The following CANX variants were observed in gnomAD, a reference collection of about 807,000 sequenced individuals.
CANX encodes the protein epididymis secretory sperm binding protein.
Under a neutral mutation model 75.7 loss-of-function variants are expected in CANX, and 14 were observed. That is an observed-to-expected ratio of 0.19 (90% CI 0.12 to 0.29). The LOEUF (loss-of-function observed/expected upper bound fraction) is 0.29. Among genes scored for constraint, CANX ranks in the 10% least tolerant of loss-of-function variants. The pLI is 1.00. For synonymous variants in CANX, 227 were observed against 236.9 expected, an observed-to-expected ratio of 0.96 and a Z score of 0.38; for missense variants, 567 against 713.2, an observed-to-expected ratio of 0.79 and a Z score of 2.34.
intron 1 of CANX, among the ~76,000 whole-genome samples, chr5:179,703,775 T>C (rs1339252149): frequency 6.6e-6 from 1 of 152,108 alleles, no homozygotes; most frequent in Non-Finnish European, 1.5e-5. Context: ...GAGAGGGTGC[T>C]GATTACTAGC....
At chr5:179,695,630 ATTTT>A (rs1271544721), upstream of CANX, among the ~76,000 whole-genome samples, 2 of 149,968 alleles carry the variant, frequency 1.3e-5, no homozygotes, top group African/African-American at 4.9e-5. Context: ...TGCCTGGCCT[ATTTT>A]TATTTATTTA....
intron 1 of CANX, 79 bp downstream of exon 1, chr5:179,699,181 C>A (rs1776555681): frequency 1.2e-6 from 1 of 859,536 alleles, no homozygotes; most frequent in African/African-American, 1.8e-5. Context: ...GCTGAGGGGT[C>A]GGGCGTGGCC....
In CANX at chr5:179,723,780, G is replaced by GTAGGAAGT. The variant is rs753982930; in HGVS notation, c.1518+3_1518+10dup. 3 of 1,592,454 alleles carry GTAGGAAGT rather than the reference G, an allele frequency of 1.9e-6. No homozygotes were observed. The African/African-American group carries it at 4.1e-5, about 22-fold the overall frequency. On this transcript the variant is annotated splice_donor_variant, in intron 12 of 14. Transcript: ENST00000247461. LOFTEE classifies it high-confidence loss of function. ...TATCCTCTTCTGCTGTTCTGGAAAGGTAGGAAGTTTTTTTTTTTAGAATCA... is the reference window on the plus strand; with the variant it reads ...TATCCTCTTCTGCTGTTCTGGAAAGGTAGGAAGTTAGGAAGTTTTTTTTTTTAGAATCA...
rs375900004 is a variant in CANX, at chr5:179,729,033, G to C, written c.*389G>C. ...ATAATACCACCATTTAAAAATGTTA[G>C]GGAGATGAGTTGCAGTTTTTATAAT... On this transcript the variant is annotated 3_prime_UTR_variant, in exon 15 of 15. Transcript: ENST00000247461. 1 of 237,738 alleles carries C rather than the reference G, an allele frequency of 4.2e-6. No homozygotes were observed. The highest frequency in any genetic ancestry group is 1.3e-4 in the East Asian group (1 of 7,430). 14.7% of individuals were successfully genotyped at this position (237,738 alleles called of 1,614,324 possible).
chr5:179,699,124 C>A, intron 1 of CANX, 22 bp downstream of exon 1: 2 of 1,026,130 alleles, frequency 1.9e-6, no homozygotes, highest in Non-Finnish European at 1.2e-6. Flanking sequence ...GACCTGAGCG[C>A]GTCCTCGGGC....
intron 13 of CANX, among the ~76,000 whole-genome samples, chr5:179,725,447 C>G (rs1024872507): frequency 6.6e-6 from 1 of 151,504 alleles, no homozygotes; most frequent in African/African-American, 2.4e-5. Context: ...TTTGGGGGGC[C>G]GAAGCAGGCA....
At chr5:179,689,278 G>A (rs1185802740) in intron 1 of CANX, among the ~76,000 whole-genome samples, 3 of 147,982 alleles carry the variant, frequency 2.0e-5, no homozygotes, top group African/African-American at 2.5e-5. Context: ...AAAAACCAAC[G>A]AAAACATACG....
chr5:179,681,270 G>A (rs1208787822), intron 1 of CANX, among the ~76,000 whole-genome samples: 2 of 152,176 alleles, frequency 1.3e-5, no homozygotes, highest in African/African-American at 4.8e-5. Context: ...GGGGAATGAA[G>A]GGAGTGATCA....
At position 179,716,221 on chromosome 5, in the gene CANX, G is replaced by A. The variant is rs1279368061; in HGVS notation, c.838G>A (p.Glu280Lys). ...VNPSREIEDPEDRKPEDWDER... is the reference protein window; with the variant it reads ...VNPSREIEDPKDRKPEDWDER... ...TCCTTCACGTGAAATTGAGGACCCAGAAGACCGGAAGCCCGAGGATTGGGA... is the reference window on the plus strand; with the variant it reads ...TCCTTCACGTGAAATTGAGGACCCAAAAGACCGGAAGCCCGAGGATTGGGA... Residue 280 changes from glutamate to lysine, a missense_variant, in exon 8 of 15, where the codon GAA becomes AAA. Glu to Lys is a moderately conservative substitution (Grantham distance 56). Coordinates refer to ENST00000247461, the MANE Select transcript of CANX (RefSeq NM_001746.4). 2 of 1,614,168 alleles carry A rather than the reference G, an allele frequency of 1.2e-6. No individual in the cohort carries two copies. The highest frequency in any genetic ancestry group is 1.7e-5 in the Admixed American group (1 of 60,030).
At chr5:179,728,002 T>C (rs1206354230) in intron 14 of CANX, among the ~76,000 whole-genome samples, 1 of 152,248 alleles carries the variant, frequency 6.6e-6, no homozygotes, top group Non-Finnish European at 1.5e-5. Context: ...TAAAGATCAT[T>C]GCTATCTGTA....
At chr5:179,682,803 G>A (rs1192453654) in intron 1 of CANX, among the ~76,000 whole-genome samples, 1 of 152,006 alleles carries the variant, frequency 6.6e-6, no homozygotes, top group Non-Finnish European at 1.5e-5. Context: ...AGGGTGAGGA[G>A]TAGGAAGTAA....
intron 12 of CANX, among the ~76,000 whole-genome samples, chr5:179,724,083 G>A (rs1778485964): frequency 6.6e-6 from 1 of 151,974 alleles, no homozygotes; most frequent in South Asian, 2.1e-4. Context: ...CTAGCCACTT[G>A]GGCAATAATC....
chr5:179,678,708 T>A, exon 1 of CANX: 2 of 1,536,896 alleles, frequency 1.3e-6, no homozygotes, highest in Non-Finnish European at 1.7e-6. Context: ...TTGCGCTGCT[T>A]CTCCAGCAAG....
chr5:179,699,119 G>C lies in CANX; in HGVS notation c.-4+17G>C. The C allele has an allele frequency of 5.8e-6, 6 of 1,034,998 alleles. No individual in the cohort carries two copies. Among genetic ancestry groups the C allele is most frequent in the Non-Finnish European group, 7.0e-6 (6 of 856,360 alleles). The allele number at this position is 1,034,998 out of a possible 1,614,324, so 64.1% of individuals were successfully genotyped here. On this transcript the variant is annotated intron_variant, in intron 1 of 14. Transcript: ENST00000247461. ...AGGCTAGAGGTGAGAGGGGAGACCT[G>C]AGCGCGTCCTCGGGCCTGTGAGGAC...
intron 1 of CANX, among the ~76,000 whole-genome samples, chr5:179,704,765 G>A (rs549554264): frequency 2.2e-4 from 34 of 152,266 alleles, no homozygotes; most frequent in African/African-American, 7.7e-4. Context: ...GAACCTGGGA[G>A]GCGGCGGTTG....
rs1251673290 is a variant in CANX, at chr5:179,679,666, C to CT, written c.-4+898dup. ...AAGAGCCGAGCAGGGCTTTCTTTTTCTTTTTTTTTGAGACTGAGTCTCGCT... is the reference window on the plus strand; with the variant it reads ...AAGAGCCGAGCAGGGCTTTCTTTTTCTTTTTTTTTTGAGACTGAGTCTCGCT... On this transcript the variant is annotated intron_variant, in intron 1 of 14. Coordinates refer to the CANX transcript ENST00000681674. 4.4e-3 allele frequency among the ~76,000 whole-genome samples: 667 copies of CT among 151,134 alleles called. 5 individuals are homozygous for CT. Among genetic ancestry groups the CT allele is most frequent in the African/African-American group, 0.014 (594 of 41,262 alleles).
chr5:179,690,362 G>C (rs1487482067), intron 1 of CANX, among the ~76,000 whole-genome samples: 1 of 151,294 alleles, frequency 6.6e-6, no homozygotes, highest in Non-Finnish European at 1.5e-5. Context: ...GATCACCTGA[G>C]GTCAGGAGTT....
At chr5:179,699,656 T>TA (rs1474423912) in intron 1 of CANX, 3 of 152,226 alleles carry the variant, frequency 2.0e-5, no homozygotes, top group Non-Finnish European at 4.4e-5. Context: ...ACTTAGCAGT[T>TA]ACAGCACCTA....
intron 13 of CANX, 47 bp from the exon 14 acceptor site, chr5:179,726,633 C>A: frequency 1.6e-6 from 2 of 1,245,676 alleles, no homozygotes; most frequent in Non-Finnish European, 1.2e-6. Context: ...AATATATAAT[C>A]ACCAAAAATA....
Sources: gnomAD v4.1 joint callset for allele counts (sites outside exome capture counted in the v4.1 genomes callset) on GRCh38, gnomAD v4.1.1 for gene constraint, MANE v1.5 for transcripts, NCBI Gene and HGNC (gene_info 2026-07-23, HGNC 2026-07-21) for gene names.